Variants in IPCEF1 observed in about 807,000 individuals in gnomAD.
The protein encoded by IPCEF1 is interactor protein for cytohesin exchange factors 1.
A neutral mutation model predicts 50.9 loss-of-function variants in IPCEF1; 31 were observed. That is an observed-to-expected ratio of 0.61 (90% CI 0.46 to 0.82). The LOEUF (loss-of-function observed/expected upper bound fraction) is 0.82. IPCEF1 is among the 40% of genes least tolerant of loss of function. IPCEF1 has a pLI of 0.00. For missense variants in IPCEF1, 458 were observed against 514.0 expected, an observed-to-expected ratio of 0.89 and a Z score of 1.05; for synonymous variants, 181 against 192.0, an observed-to-expected ratio of 0.94 and a Z score of 0.47.
chr6:154,228,504 TG>T (rs948730947), intron 5 of IPCEF1, among the ~76,000 whole-genome samples: 1 of 152,250 alleles, frequency 6.6e-6, no homozygotes, highest in Admixed American at 6.5e-5. Context: ...TGATGTTCTA[TG>T]ATCTCAAACC....
chr6:154,269,298 A>G (rs7766597), intron 2 of IPCEF1, among the ~76,000 whole-genome samples: 67,211 of 151,964 alleles, frequency 0.44, 16,062 homozygotes, highest in East Asian at 0.65. Context: ...AAATGAGATG[A>G]TGTTGATATC....
chr6:154,220,994 A>G (rs1778821546), intron 7 of IPCEF1, among the ~76,000 whole-genome samples: 1 of 152,194 alleles, frequency 6.6e-6, no homozygotes, highest in African/African-American at 2.4e-5. Context: ...TCCTTTTAAC[A>G]TGTTCTTTTA....
intron 10 of IPCEF1, among the ~76,000 whole-genome samples, chr6:154,180,415 T>TATATATATATATATATA (rs1491475267): frequency 3.1e-4 from 9 of 29,334 alleles, no homozygotes; most frequent in African/African-American, 1.1e-3. Context: ...TATATATATA[T>TATATATATATATATATA]TTTTTTTTTA....
Position 154,242,976 on chromosome 6 carries a change from A to G in IPCEF1, c.246+3615T>C, listed in dbSNP as rs187659914. Among the ~76,000 whole-genome samples the G allele has an allele frequency of 4.6e-5, 7 of 152,340 alleles. No homozygotes were observed. In the East Asian group the frequency reaches 1.3e-3, roughly 29 times the overall value. ...AAAGGAGAAGGTACGTGCCTCTAGA[A>G]GAAGGCTATTTAAGCTAAAATTTGA... On this transcript the variant is annotated intron_variant, in intron 5 of 11. Coordinates refer to ENST00000367220, the MANE Select transcript of IPCEF1 (RefSeq NM_001130700.2).
chr6:154,352,744 G>A (rs932049312), intron 1 of IPCEF1, among the ~76,000 whole-genome samples: 20 of 152,236 alleles, frequency 1.3e-4, no homozygotes, highest in African/African-American at 4.1e-4. Context: ...CCTGTGAGAC[G>A]GCAGGGCCAA....
At chr6:154,244,843 C>T (rs1390074247) in intron 5 of IPCEF1, among the ~76,000 whole-genome samples, 1 of 152,230 alleles carries the variant, frequency 6.6e-6, no homozygotes, top group Non-Finnish European at 1.5e-5. Flanking sequence ...AGCTTTATTA[C>T]TTCCCACAGA....
At chr6:154,295,941 A>G (rs1782646391) in intron 1 of IPCEF1, among the ~76,000 whole-genome samples, 1 of 151,144 alleles carries the variant, frequency 6.6e-6, no homozygotes, top group Admixed American at 6.6e-5. Flanking sequence ...ACACACTCTT[A>G]GCAGTTGGCT....
chr6:154,177,541 C>T (rs746835102), intron 10 of IPCEF1, among the ~76,000 whole-genome samples: 36 of 152,202 alleles, frequency 2.4e-4, no homozygotes, highest in Non-Finnish European at 4.3e-4. Flanking sequence ...TGAAAAAATG[C>T]TGATCATCAC....
At chr6:154,202,556 C>T (rs1777157231) in intron 9 of IPCEF1, among the ~76,000 whole-genome samples, 1 of 152,096 alleles carries the variant, frequency 6.6e-6, no homozygotes, top group South Asian at 2.1e-4. Flanking sequence ...TTCGAAACAA[C>T]ACCAAATAAG....
At chr6:154,184,872 G>A (rs1281102478) in intron 10 of IPCEF1, among the ~76,000 whole-genome samples, 1 of 150,520 alleles carries the variant, frequency 6.6e-6, no homozygotes, top group Non-Finnish European at 1.5e-5. Context: ...CTTAAATACA[G>A]ATAAAAATAA....
chr6:154,204,369 T>TAACCA (rs1554293113), intron 9 of IPCEF1, among the ~76,000 whole-genome samples: 4 of 152,184 alleles, frequency 2.6e-5, no homozygotes, highest in African/African-American at 9.7e-5. Flanking sequence ...CAAAAAAGTC[T>TAACCA]AAACAAAACA....
intron 1 of IPCEF1, among the ~76,000 whole-genome samples, chr6:154,348,971 G>A (rs1784078295): frequency 6.6e-6 from 1 of 152,094 alleles, no homozygotes. Flanking sequence ...TGGTTTTCAT[G>A]TTTACAGCCG....
chr6:154,180,777 T>C (rs1800806402), intron 10 of IPCEF1, among the ~76,000 whole-genome samples: 1 of 152,232 alleles, frequency 6.6e-6, no homozygotes, highest in South Asian at 2.1e-4. Flanking sequence ...GGAATTCATA[T>C]GCCATATTTC....
rs116550255 is a variant in IPCEF1, at chr6:154,354,032, C to T, written c.-62+2640G>A. 8.1e-3 allele frequency among the ~76,000 whole-genome samples: 1,232 copies of T among 152,280 alleles called. 18 individuals carry two copies. The highest frequency in any genetic ancestry group is 0.028 in the African/African-American group (1,163 of 41,548). On this transcript the variant is annotated intron_variant, in intron 1 of 11. Transcript: ENST00000367220. ...AGAAATTAGAGATTAAATTTTTAAGCGTGGCTCTGGCAACTTGAAAACTGA... is the reference window on the plus strand; with the variant it reads ...AGAAATTAGAGATTAAATTTTTAAGTGTGGCTCTGGCAACTTGAAAACTGA...
intron 1 of IPCEF1, among the ~76,000 whole-genome samples, chr6:154,303,345 C>T (rs1782847524): frequency 6.6e-6 from 1 of 152,062 alleles, no homozygotes; most frequent in Non-Finnish European, 1.5e-5. Context: ...CCACCTCGGC[C>T]TCCCAAAATG....
At chr6:154,304,215 C>T (rs1172560822) in intron 1 of IPCEF1, among the ~76,000 whole-genome samples, 1 of 151,996 alleles carries the variant, frequency 6.6e-6, no homozygotes, top group East Asian at 1.9e-4. Context: ...GAGCAAGACC[C>T]TGTCTCAAAA....
At chr6:154,281,521 T>A (rs1014564619) in intron 2 of IPCEF1, among the ~76,000 whole-genome samples, 3 of 152,008 alleles carry the variant, frequency 2.0e-5, no homozygotes, top group African/African-American at 7.3e-5. Context: ...TGTCTCTAAA[T>A]AAATAAATAA....
chr6:154,286,189 C>T (rs1002001449), intron 2 of IPCEF1, among the ~76,000 whole-genome samples: 10 of 151,702 alleles, frequency 6.6e-5, no homozygotes, highest in African/African-American at 2.4e-4. Context: ...CAGGGCCTGT[C>T]TGGGGGTGGG....
intron 5 of IPCEF1, among the ~76,000 whole-genome samples, chr6:154,239,024 C>G (rs1780367890): frequency 6.6e-6 from 1 of 151,990 alleles, no homozygotes; most frequent in African/African-American, 2.4e-5. Context: ...GTGGGCATTT[C>G]ACTGCTGTGA....
Sources: allele counts gnomAD v4.1 joint callset (sites outside exome capture counted in the v4.1 genomes callset), GRCh38; gene constraint gnomAD v4.1.1; transcripts MANE v1.5; gene names NCBI Gene and HGNC (gene_info 2026-07-23, HGNC 2026-07-21).